The following QSER1 variants were observed in gnomAD, a reference collection of about 807,000 sequenced individuals.
QSER1 encodes the protein glutamine and serine-rich protein 1.
A neutral mutation model predicts 158.5 loss-of-function variants in QSER1; 49 were observed. The ratio of observed to expected loss-of-function variants is 0.31; its 90% CI spans 0.25 to 0.39. The LOEUF (loss-of-function observed/expected upper bound fraction) is 0.39, where lower values mean the gene tolerates loss of function less well. Ranked by LOEUF, QSER1 falls within the 10% of genes least tolerant of loss-of-function variation. The pLI is 1.00. For missense variants in QSER1, 1,754 were observed against 2,010.3 expected (o/e 0.87, Z 2.44); for synonymous variants, 650 against 715.5 (o/e 0.91, Z 1.46).
At chr11:32,926,915 A>G (rs980860673) in intron 1 of QSER1, 3 of 152,184 alleles carry the variant, frequency 2.0e-5, no homozygotes, top group African/African-American at 7.2e-5. Context: ...CCCAGTAAAA[A>G]GACTCTTGTT....
chr11:32,975,683 G>C lies in QSER1; in HGVS notation c.5454+340G>C, dbSNP rs972570819. ...CTTGCTTTAATTCACTTCAGTCACT[G>C]CTTTGACATCTCACTGCCTTACTTA... On this transcript the variant is annotated intron_variant, in intron 12 of 12. Transcript: ENST00000650167. 2.1e-5 allele frequency: 24 copies of C among 1,144,714 alleles called. No individual in the cohort carries two copies. The African/African-American group carries it at 3.9e-4, about 19-fold the overall frequency. 70.9% of individuals were successfully genotyped at this position (1,144,714 alleles called of 1,614,324 possible). A position where few individuals can be genotyped will look rare whatever the true frequency, so the allele number is the denominator to read the frequency against.
At chr11:32,973,313 A>G in intron 10 of QSER1, 84 bp from the exon 11 acceptor site, 3 of 1,435,992 alleles carry the variant, frequency 2.1e-6, no homozygotes, top group Non-Finnish European at 2.9e-6. Flanking sequence ...TTGTGTGCAC[A>G]CACACTTCTA....
rs192291053 is a variant in QSER1, at chr11:32,923,777, G to A, written c.210-3380G>A. Among the ~76,000 whole-genome samples the A allele has an allele frequency of 3.6e-4, 54 of 151,970 alleles. No individual in the cohort carries two copies. The East Asian group carries it at 0.01, about 29-fold the overall frequency. ...GAGATCAGAAGATCAAGACCATCCC[G>A]GCCAACATGGTGAAACCCCATCTCT... On this transcript the variant is annotated intron_variant, in intron 1 of 12. Coordinates refer to ENST00000650167, the MANE Select transcript of QSER1 (RefSeq NM_001076786.3).
intron 1 of QSER1, among the ~76,000 whole-genome samples, chr11:32,911,047 T>C (rs1335755927): frequency 6.6e-6 from 1 of 152,248 alleles, no homozygotes; most frequent in Non-Finnish European, 1.5e-5. Flanking sequence ...ACGGTTTCTC[T>C]AGCTGTCTAA....
intron 1 of QSER1, among the ~76,000 whole-genome samples, chr11:32,914,526 A>C (rs1409535916): frequency 6.6e-6 from 1 of 152,250 alleles, no homozygotes; most frequent in Non-Finnish European, 1.5e-5. Flanking sequence ...TTCAGTGCTT[A>C]AGTAACTTAT....
rs201338306 is a variant in QSER1, at chr11:32,928,161, A to C, written c.484+38A>C. 5.5e-6 allele frequency: 7 copies of C among 1,263,740 alleles called. No individual in the cohort carries two copies. The East Asian group carries it at 1.6e-4, about 29-fold the overall frequency. The allele number at this position is 1,263,740 out of a possible 1,614,324, so 78.3% of individuals were successfully genotyped here. On this transcript the variant is annotated intron_variant, in intron 3 of 12. Transcript: ENST00000650167. ...TTCTAGAATTTTTAAGTCCTATAAA[A>C]ATGCTGATGAAACATATACATTTGA...
chr11:32,931,912 A>G lies in QSER1; in HGVS notation c.654A>G (p.Ser218=), dbSNP rs755908153. The change falls in exon 4 of 13, where the codon TCA becomes TCG. Residue 218 remains serine, a synonymous_variant. Coordinates refer to ENST00000650167, the MANE Select transcript of QSER1 (RefSeq NM_001076786.3). ...VLQDSTFNTT[S]NGILSHHDPL... ...AGGATTCAACTTTTAACACTACATC[A>G]AATGGAATTTTAAGTCATCATGACC... 4 of 1,614,188 alleles carry G rather than the reference A, an allele frequency of 2.5e-6. No individual in the cohort carries two copies. The highest frequency in any genetic ancestry group is 2.5e-6 in the Non-Finnish European group (3 of 1,180,014).
At chr11:32,943,889 A>G (rs1852284007) in intron 4 of QSER1, among the ~76,000 whole-genome samples, 1 of 151,682 alleles carries the variant, frequency 6.6e-6, no homozygotes, top group Non-Finnish European at 1.5e-5. Context: ...TTGGTAAGCT[A>G]TTGATTATTG....
intron 10 of QSER1, among the ~76,000 whole-genome samples, chr11:32,972,670 A>C (rs11032075): frequency 0.06 from 9,192 of 152,074 alleles, 715 homozygotes; most frequent in African/African-American, 0.18. Context: ...TCCTGGCCTC[A>C]AGTAATTTGC....
rs367603924 is a variant in QSER1, at chr11:32,976,574, G to A, written c.*100G>A. 8.7e-4 allele frequency: 1,130 copies of A among 1,299,154 alleles called. 6 individuals carry two copies. The highest frequency in any genetic ancestry group is 7.4e-3 in the South Asian group (567 of 76,452). The allele number at this position is 1,299,154 out of a possible 1,614,324, so 80.5% of individuals were successfully genotyped here. On this transcript the variant is annotated 3_prime_UTR_variant, in exon 13 of 13. Coordinates refer to ENST00000650167, the MANE Select transcript of QSER1 (RefSeq NM_001076786.3). ...GTCAAGTAGTGGCCTTCTGCAGGCC[G>A]GCCGCTTCCATCATGGAACTGTCAT... is the stretch of plus-strand genomic sequence containing the variant.
At position 32,934,843 on chromosome 11, in the gene QSER1, A is replaced by G; in HGVS notation, c.3585A>G (p.Leu1195=). The change falls in exon 4 of 13, where the codon TTA becomes TTG. Residue 1195 remains leucine (L), a synonymous_variant. Coordinates refer to ENST00000650167, the MANE Select transcript of QSER1 (RefSeq NM_001076786.3). ...AGATTGAAGAAGAAAACCAAGATTTAATGCATTTTAACCTTCAAAAGAAAA... is the reference window on the plus strand; with the variant it reads ...AGATTGAAGAAGAAAACCAAGATTTGATGCATTTTAACCTTCAAAAGAAAA... ...SVKIEEENQD[L]MHFNLQKKRA... 1 of 1,614,072 alleles carries G rather than the reference A, an allele frequency of 6.2e-7. No individual in the cohort carries two copies. The highest frequency in any genetic ancestry group is 8.5e-7 in the Non-Finnish European group (1 of 1,179,994).
intron 4 of QSER1, among the ~76,000 whole-genome samples, chr11:32,948,180 A>T (rs1362123815): frequency 6.6e-6 from 1 of 152,224 alleles, no homozygotes; most frequent in Non-Finnish European, 1.5e-5. Context: ...TGACAAACTA[A>T]TTGGAATGGA....
intron 4 of QSER1, among the ~76,000 whole-genome samples, chr11:32,941,215 A>T (rs1248762446): frequency 3.0e-4 from 3 of 10,042 alleles, no homozygotes; most frequent in African/African-American, 4.5e-4. Context: ...TTTTGTTTTT[A>T]TTATTATTAT....
rs1852113809 is a variant in QSER1 at position 32,934,699 on chromosome 11, T to C, written c.3441T>C (p.Asn1147=). ...VSSSRSISGE[N]ATSESEFTLG... ...GTAGTAGAAGTATAAGTGGAGAGAA[T>C]GCTACATCAGAGAGTGAATTTACCT... The change falls in exon 4 of 13, where the codon AAT becomes AAC. Residue 1147 remains asparagine (N), a synonymous_variant. Transcript: ENST00000650167. 3 of 1,613,526 alleles carry C rather than the reference T, an allele frequency of 1.9e-6. No homozygotes were observed. Among genetic ancestry groups the C allele is most frequent in the Non-Finnish European group, 2.5e-6 (3 of 1,179,806 alleles).
chr11:32,893,013 T>G lies in QSER1; in HGVS notation c.-113T>G, dbSNP rs1188818919. 7.1e-6 allele frequency among the ~76,000 whole-genome samples: 1 copy of G among 141,462 alleles called. No individual in the cohort carries two copies. Among genetic ancestry groups the G allele is most frequent in the Non-Finnish European group, 1.5e-5 (1 of 64,590 alleles). 92.8% of individuals were successfully genotyped at this position (141,462 alleles called of 152,430 possible). ...GGGGCCATGTGAGGGGGCAGCTCCCTCCACCGCCGCCGCCCCCTCTTCCTC... is the reference window on the plus strand; with the variant it reads ...GGGGCCATGTGAGGGGGCAGCTCCCGCCACCGCCGCCGCCCCCTCTTCCTC... On this transcript the variant is annotated 5_prime_UTR_variant, in exon 1 of 13. Coordinates refer to ENST00000650167, the MANE Select transcript of QSER1 (RefSeq NM_001076786.3). The surrounding 1 kb of genome is among the most constrained non-coding windows in gnomAD (Gnocchi z 4.7).
chr11:32,917,108 T>C (rs1219194477), intron 1 of QSER1, among the ~76,000 whole-genome samples: 1 of 152,194 alleles, frequency 6.6e-6, no homozygotes, highest in Non-Finnish European at 1.5e-5. Context: ...TAAATGGAAT[T>C]ATATGTGGTC....
intron 1 of QSER1, among the ~76,000 whole-genome samples, chr11:32,894,153 T>C (rs1009276653): frequency 7.2e-5 from 11 of 152,134 alleles, no homozygotes; most frequent in African/African-American, 2.7e-4. Context: ...GCCTTTAAGG[T>C]CCGGGTGCAT....
chr11:32,975,235 T>C lies in QSER1; in HGVS notation c.5359-13T>C. Reference sequence around the variant, plus strand: ...TCCATGAAATGTATCTATAAACTTTTTTCTTTTTATAGGAGTTTGCTGTCG... The same window carrying C: ...TCCATGAAATGTATCTATAAACTTTCTTCTTTTTATAGGAGTTTGCTGTCG... On this transcript the variant is annotated splice_polypyrimidine_tract_variant and intron_variant, in intron 11 of 12. Transcript: ENST00000650167. The C allele has an allele frequency of 6.6e-7, 1 of 1,513,544 alleles. No individual in the cohort carries two copies. The highest frequency in any genetic ancestry group is 8.9e-7 in the Non-Finnish European group (1 of 1,127,812). The allele number at this position is 1,513,544 out of a possible 1,614,324, so 93.8% of individuals were successfully genotyped here. A position where few individuals can be genotyped will look rare whatever the true frequency, so the allele number is the denominator to read the frequency against.
At chr11:32,964,735 TATATAC>T (rs1222967159) in intron 8 of QSER1, among the ~76,000 whole-genome samples, 18 of 116,656 alleles carry the variant, frequency 1.5e-4, no homozygotes, top group African/African-American at 5.9e-4. Flanking sequence ...TATATATATA[TATATAC>T]ACACACACAC....
Sources: allele counts gnomAD v4.1 joint callset (sites outside exome capture counted in the v4.1 genomes callset), GRCh38; gene constraint gnomAD v4.1.1; non-coding constraint Gnocchi (gnomAD v3.1); transcripts MANE v1.5; gene names NCBI Gene and HGNC (gene_info 2026-07-23, HGNC 2026-07-21).